Variants in ZNF480 observed in about 807,000 individuals in gnomAD.
ZNF480 encodes zinc finger protein 480.
ZNF480 carries 15 observed loss-of-function variants against 14.4 expected under a neutral mutation model. The ratio of observed to expected loss-of-function variants is 1.04; its 90% CI spans 0.70 to 1.60. The LOEUF is 1.60. Among genes scored for constraint, ZNF480 ranks in the 40% most tolerant of loss-of-function variants. ZNF480 has a pLI of 0.00. For synonymous variants in ZNF480, 218 were observed against 215.5 expected, an observed-to-expected ratio of 1.01 and a Z score of -0.10; for missense variants, 593 against 629.7, an observed-to-expected ratio of 0.94 and a Z score of 0.62.
chr19:52,302,036 T>C lies in ZNF480; in HGVS notation c.72+1552T>C, dbSNP rs1322792313. ...TCTCGACATGGCTGCAACTGGGGGG[T>C]CCTCGGGTTCCTCCCAAAATCTCTT... On this transcript the variant is annotated intron_variant, in intron 2 of 4. Coordinates refer to ENST00000595962, the MANE Select transcript of ZNF480 (RefSeq NM_144684.4). The C allele has an allele frequency of 1.5e-5, 3 of 199,048 alleles. No individual in the cohort carries two copies. In the Admixed American group the frequency reaches 1.8e-4, roughly 12 times the overall value. 12.3% of individuals were successfully genotyped at this position (199,048 alleles called of 1,614,324 possible).
chr19:52,310,111 C>T (rs1014588007), intron 2 of ZNF480, among the ~76,000 whole-genome samples: 1 of 151,394 alleles, frequency 6.6e-6, no homozygotes, highest in East Asian at 1.9e-4. Flanking sequence ...GCTGGGGTGC[C>T]GTGGCAGGAT....
intron 2 of ZNF480, among the ~76,000 whole-genome samples, chr19:52,303,068 A>G (rs1459505351): frequency 6.6e-6 from 1 of 152,220 alleles, no homozygotes; most frequent in Non-Finnish European, 1.5e-5. Context: ...ATTGTGTGGA[A>G]TGGACTACAT....
intron 4 of ZNF480, 44 bp downstream of exon 4, chr19:52,316,006 G>T: frequency 2.0e-6 from 3 of 1,501,804 alleles, no homozygotes; most frequent in Non-Finnish European, 1.8e-6. Context: ...CTGTTGTTTG[G>T]GCTTTTTTTT....
intron 2 of ZNF480, among the ~76,000 whole-genome samples, chr19:52,304,982 C>G (rs1982861269): frequency 6.6e-6 from 1 of 151,962 alleles, no homozygotes; most frequent in South Asian, 2.1e-4. Flanking sequence ...ACCTGTGGTC[C>G]CAGCTACTTG....
chr19:52,318,966 T>G (rs1417221481), intron 4 of ZNF480, among the ~76,000 whole-genome samples: 1 of 152,032 alleles, frequency 6.6e-6, no homozygotes, highest in Non-Finnish European at 1.5e-5. Flanking sequence ...TGGGTTCAAG[T>G]GATTCTCCTG....
chr19:52,314,473 C>CAAAAAAAAAAAAAAAAAAAAAAAAAAA (rs34349660), intron 3 of ZNF480, among the ~76,000 whole-genome samples, 194 bp downstream of exon 3: 1 of 66,208 alleles, frequency 1.5e-5, no homozygotes. Flanking sequence ...AACTCCGTCC[C>CAAAAAAAAAAAAAAAAAAAAAAAAAAA]AAAAAAAAAA....
In ZNF480 at chr19:52,300,419, TG is replaced by T; in HGVS notation, c.8del (p.Cys3LeufsTer25). The T allele has an allele frequency of 6.7e-7, 1 of 1,485,156 alleles. No homozygotes were observed. Among genetic ancestry groups the T allele is most frequent in the Non-Finnish European group, 9.0e-7 (1 of 1,116,068 alleles). The allele number at this position is 1,485,156 out of a possible 1,614,324, so 92.0% of individuals were successfully genotyped here. ML[C>X]DEKAQKRRKR... ...GATTGACTTCTAAAGAGTCATGCTG[TG>T]TGATGAAAAAGCCCAGAAGAGAAGG... On this transcript the variant is annotated frameshift_variant, in exon 2 of 5. Transcript: ENST00000595962. LOFTEE classifies it high-confidence loss of function.
intron 3 of ZNF480, among the ~76,000 whole-genome samples, chr19:52,315,410 G>A (rs893342606): frequency 1.4e-4 from 22 of 152,010 alleles, no homozygotes; most frequent in Non-Finnish European, 2.9e-4. Context: ...CCGCCTCCTG[G>A]GGTCAAATGA....
At chr19:52,298,317 A>C (rs1159722419) in intron 1 of ZNF480, among the ~76,000 whole-genome samples, 1 of 151,746 alleles carries the variant, frequency 6.6e-6, no homozygotes, top group Non-Finnish European at 1.5e-5. Flanking sequence ...TAACAGAGAG[A>C]GCAGAGGGGG....
At chr19:52,310,921 C>T (rs558481095) in intron 2 of ZNF480, among the ~76,000 whole-genome samples, 5 of 145,726 alleles carry the variant, frequency 3.4e-5, no homozygotes, top group Admixed American at 2.2e-4. Context: ...AGGAGAATGG[C>T]GTGAACCCGG....
intron 2 of ZNF480, among the ~76,000 whole-genome samples, chr19:52,307,975 A>C (rs917918486): frequency 3.9e-5 from 6 of 152,304 alleles, no homozygotes; most frequent in Admixed American, 3.9e-4. Flanking sequence ...CCTGTTTATG[A>C]CAGGCTTAGG....
Position 52,323,718 on chromosome 19 carries a change from C to T in ZNF480, c.*860C>T, listed in dbSNP as rs1684442735. 1 of 152,172 alleles carries T rather than the reference C, an allele frequency of 6.6e-6. No homozygotes were observed. 9.4% of individuals were successfully genotyped at this position (152,172 alleles called of 1,614,324 possible). On this transcript the variant is annotated 3_prime_UTR_variant, in exon 5 of 5. Transcript: ENST00000595962. ...AAAAACCACATGACCATGATCATCT[C>T]TTTAGATGCAGAAAGGTTTTTAATA...
chr19:52,308,565 C>G (rs866679678), intron 2 of ZNF480: 2 of 152,190 alleles, frequency 1.3e-5, no homozygotes, highest in South Asian at 4.1e-4. Context: ...CCTCAGCTTC[C>G]CAAAGTGCTG....
intron 1 of ZNF480, among the ~76,000 whole-genome samples, chr19:52,297,501 C>T (rs770860172): frequency 2.0e-5 from 3 of 152,100 alleles, no homozygotes; most frequent in Non-Finnish European, 4.4e-5. Context: ...CTTACATCCG[C>T]CCCGCACAGC....
chr19:52,300,319 C>T (rs2122511125), intron 1 of ZNF480, 75 bp from the exon 2 acceptor site: 6 of 1,510,380 alleles, frequency 4.0e-6, no homozygotes, highest in Non-Finnish European at 5.5e-6. Context: ...TGAGGTCTAA[C>T]CTGTGTGTGT....
At chr19:52,308,464 G>A (rs993048820) in intron 2 of ZNF480, among the ~76,000 whole-genome samples, 2 of 151,564 alleles carry the variant, frequency 1.3e-5, no homozygotes, top group African/African-American at 2.4e-5. Flanking sequence ...CCACCACCAC[G>A]CCCAGCTAAT....
chr19:52,300,349 G>C, intron 1 of ZNF480, 45 bp from the exon 2 acceptor site: 1 of 1,593,092 alleles, frequency 6.3e-7, no homozygotes. Context: ...ACAGGAAAAG[G>C]GTGTGTTGAT....
rs986926752 is a variant in ZNF480 at position 52,325,613 on chromosome 19, T to C, written c.*2755T>C. ...TAAAAAAGAACAAGACTGTGTCCTT[T>C]ACAGCAACATAGATGGAGCTGAGGC... On this transcript the variant is annotated 3_prime_UTR_variant, in exon 5 of 5. Coordinates refer to ENST00000595962, the MANE Select transcript of ZNF480 (RefSeq NM_144684.4). The C allele has an allele frequency of 6.6e-6, 1 of 152,242 alleles. No individual in the cohort carries two copies. The highest frequency in any genetic ancestry group is 1.5e-5 in the Non-Finnish European group (1 of 68,052). The allele number at this position is 152,242 out of a possible 1,614,324, so 9.4% of individuals were successfully genotyped here. A position where few individuals can be genotyped will look rare whatever the true frequency, so the allele number is the denominator to read the frequency against.
chr19:52,318,334 C>T (rs1051147550), intron 4 of ZNF480, among the ~76,000 whole-genome samples: 3 of 152,098 alleles, frequency 2.0e-5, no homozygotes, highest in African/African-American at 7.2e-5. Flanking sequence ...TCTTGAACTC[C>T]TGACCTCAGG....
Sources: allele counts gnomAD v4.1 joint callset (sites outside exome capture counted in the v4.1 genomes callset), GRCh38; gene constraint gnomAD v4.1.1; transcripts MANE v1.5; gene names NCBI Gene and HGNC (gene_info 2026-07-23, HGNC 2026-07-21).